Variants in PDXDC1 observed in about 807,000 individuals in gnomAD.
PDXDC1 encodes the protein pyridoxal dependent decarboxylase domain containing 1.
PDXDC1 carries 42 observed loss-of-function variants against 100.1 expected under a neutral mutation model. That is an observed-to-expected ratio of 0.42 (90% CI 0.33 to 0.54). The LOEUF (loss-of-function observed/expected upper bound fraction) is 0.54. PDXDC1 is among the 20% of genes least tolerant of loss of function. The pLI, the probability that PDXDC1 is intolerant of heterozygous loss-of-function variation, is 0.10. For missense variants in PDXDC1, 636 were observed against 979.2 expected (o/e 0.65, Z 4.68); for synonymous variants, 260 against 371.7 (o/e 0.70, Z 3.46).
rs1176899067 is a variant in PDXDC1, at chr16:14,975,043, C to T, written c.-157C>T. ...CCCGCCGCCTCTCAACCATCAGGTT[C>T]GGCAGCCCGCGGCGCCGCCTGGCAG... On this transcript the variant is annotated 5_prime_UTR_variant, in exon 1 of 23. Transcript: ENST00000396410. 27 of 1,521,858 alleles carry T rather than the reference C, an allele frequency of 1.8e-5. No individual in the cohort carries two copies. Among genetic ancestry groups the T allele is most frequent in the Middle Eastern group, 1.8e-4 (1 of 5,602 alleles). The allele number at this position is 1,521,858 out of a possible 1,614,324, so 94.3% of individuals were successfully genotyped here.
intron 1 of PDXDC1, among the ~76,000 whole-genome samples, chr16:14,991,779 C>T (rs1400703354): frequency 1.3e-5 from 2 of 152,132 alleles, no homozygotes; most frequent in African/African-American, 2.4e-5. Context: ...TCCTTGACCT[C>T]TCAAAAGTGC....
chr16:15,015,201 A>G (rs1439632956), intron 8 of PDXDC1, among the ~76,000 whole-genome samples: 2 of 152,256 alleles, frequency 1.3e-5, no homozygotes. Context: ...TGGGCCTCCC[A>G]GAGTGCTGGG....
chr16:15,013,869 T>G (rs2041554259), intron 8 of PDXDC1, among the ~76,000 whole-genome samples: 1 of 130,492 alleles, frequency 7.7e-6, no homozygotes, highest in East Asian at 2.6e-4. Context: ...AAAGGGTCTC[T>G]GTCTCAAAAA....
At position 14,989,992 on chromosome 16, in the gene PDXDC1, G is replaced by A. The variant is rs1013825978; in HGVS notation, c.22-7761G>A. On this transcript the variant is annotated intron_variant, in intron 1 of 22. Transcript: ENST00000396410. ...CAGGCAGACGGCTCGGTGGCGCCCG[G>A]CTCACCCCAGGACCAGGGAAGCAGG... The A allele has an allele frequency of 4.1e-6, 6 of 1,463,406 alleles. No homozygotes were observed. In the African/African-American group the frequency reaches 5.9e-5, roughly 14 times the overall value. The allele number at this position is 1,463,406 out of a possible 1,614,324, so 90.7% of individuals were successfully genotyped here. A position where few individuals can be genotyped will look rare whatever the true frequency, so the allele number is the denominator to read the frequency against.
chr16:14,979,274 A>G (rs1479830769), intron 1 of PDXDC1, among the ~76,000 whole-genome samples: 1 of 151,802 alleles, frequency 6.6e-6, no homozygotes, highest in African/African-American at 2.4e-5. Flanking sequence ...TCCACTGGAC[A>G]GTGCTAAGAG....
rs2046730499 is a variant in PDXDC1 at position 15,104,777 on chromosome 16, G to C, written c.1400-34102G>C. ...TTCTGACCTGTAGGGCCAAAGGAGGGAATGTTTTCACACATATTCATTTGA... is the reference window on the plus strand; with the variant it reads ...TTCTGACCTGTAGGGCCAAAGGAGGCAATGTTTTCACACATATTCATTTGA... On this transcript the variant is annotated intron_variant, in intron 16 of 16. Coordinates refer to the PDXDC1 transcript ENST00000535621. 4 of 1,587,422 alleles carry C rather than the reference G, an allele frequency of 2.5e-6. No individual in the cohort carries two copies. The East Asian group carries it at 9.0e-5, about 36-fold the overall frequency.
chr16:15,079,596 C>CTT (rs35328128), intron 16 of PDXDC1, among the ~76,000 whole-genome samples: 1 of 143,014 alleles, frequency 7.0e-6, no homozygotes, highest in Non-Finnish European at 1.5e-5. Flanking sequence ...GGTTTCTTTT[C>CTT]TTTTTTTTTT....
intron 16 of PDXDC1, among the ~76,000 whole-genome samples, chr16:15,087,844 G>A (rs1208918491): frequency 2.6e-5 from 4 of 152,154 alleles, no homozygotes; most frequent in African/African-American, 9.7e-5. Context: ...GCTGGGCGTG[G>A]TAGCTCATGT....
the PDXDC1 span, among the ~76,000 whole-genome samples, chr16:15,148,529 C>G: frequency 6.6e-6 from 1 of 151,402 alleles, no homozygotes; most frequent in African/African-American, 2.4e-5. Flanking sequence ...ACCACAGATG[C>G]ACACCACCAC....
intron 16 of PDXDC1, chr16:15,083,413 A>G (rs1236936393): frequency 1.9e-6 from 3 of 1,538,544 alleles, no homozygotes; most frequent in Admixed American, 4.3e-5. Flanking sequence ...AAGAAAAAGA[A>G]AAAGAAAGAC....
At chr16:15,041,238 A>C, downstream of PDXDC1, 1 of 725,334 alleles carries the variant, frequency 1.4e-6, no homozygotes, top group Non-Finnish European at 2.4e-6. Flanking sequence ...GGAAAATTCC[A>C]GAAAATGAAA....
intron 8 of PDXDC1, among the ~76,000 whole-genome samples, chr16:15,013,543 G>A (rs2041521126): frequency 6.6e-6 from 1 of 152,208 alleles, no homozygotes; most frequent in Non-Finnish European, 1.5e-5. Context: ...AAACTCATTG[G>A]ACCGTATACT....
chr16:15,130,691 G>T (rs774968755), intron 16 of PDXDC1: 29 of 1,482,092 alleles, frequency 2.0e-5, no homozygotes, highest in African/African-American at 2.7e-5. Context: ...GGGACTCTGG[G>T]CGGATCCTCC....
chr16:15,117,659 C>A (rs1222384757), intron 16 of PDXDC1, among the ~76,000 whole-genome samples: 11 of 123,276 alleles, frequency 8.9e-5, no homozygotes, highest in Non-Finnish European at 1.9e-4. Context: ...CACCATTATA[C>A]TCCAGCCTGG....
At chr16:15,040,249 T>G (rs1228719133), downstream of PDXDC1, 9 of 434,252 alleles carry the variant, frequency 2.1e-5, no homozygotes, top group Admixed American at 3.4e-4. Context: ...AGCATCTCGG[T>G]GAAAATCGCT....
In PDXDC1 at chr16:14,984,476, C is replaced by CATATAT. The variant is rs749990542; in HGVS notation, c.21+9271_21+9276dup. Among the ~76,000 whole-genome samples, 494 of 92,562 alleles carry CATATAT rather than the reference C, an allele frequency of 5.3e-3. 9 individuals carry two copies. Among genetic ancestry groups the CATATAT allele is most frequent in the Middle Eastern group, 0.014 (2 of 142 alleles). The allele number at this position is 92,562 out of a possible 152,430, so 60.7% of individuals were successfully genotyped here. A position where few individuals can be genotyped will look rare whatever the true frequency, so the allele number is the denominator to read the frequency against. On this transcript the variant is annotated intron_variant, in intron 1 of 22. Transcript: ENST00000396410. ...GAGAGTGTGTGTGTGTGTGTGTATA[C>CATATAT]ATATATATATATATATATATTTTTT...
At chr16:14,983,572 C>CAAAAAAA (rs56258905) in intron 1 of PDXDC1, among the ~76,000 whole-genome samples, 1 of 88,408 alleles carries the variant, frequency 1.1e-5, no homozygotes, top group African/African-American at 5.6e-5. Context: ...GACTCCGTCT[C>CAAAAAAA]AAAAAAAAAA....
the PDXDC1 span, among the ~76,000 whole-genome samples, chr16:15,148,842 C>T: frequency 2.0e-5 from 3 of 152,180 alleles, no homozygotes; most frequent in African/African-American, 7.2e-5. Context: ...GCTACAGACA[C>T]AACCAAAGCC....
chr16:15,023,386 G>C (rs1359594971), intron 13 of PDXDC1, among the ~76,000 whole-genome samples: 3 of 152,294 alleles, frequency 2.0e-5, no homozygotes, highest in Non-Finnish European at 4.4e-5. Context: ...ATTTAAATAG[G>C]TTCATTGAGT....
Sources: gnomAD v4.1 joint callset for allele counts (sites outside exome capture counted in the v4.1 genomes callset) on GRCh38, gnomAD v4.1.1 for gene constraint, MANE v1.5 for transcripts, NCBI Gene and HGNC (gene_info 2026-07-23, HGNC 2026-07-21) for gene names.